Variants in PRSS23 observed in about 807,000 individuals in gnomAD.
PRSS23 encodes the protein serine protease 23, also known as protease, serine 23.
Under a neutral mutation model 34.7 loss-of-function variants are expected in PRSS23, and 25 were observed. The observed-to-expected ratio is 0.72, with a 90% CI of 0.53 to 1.01. PRSS23 has a LOEUF of 1.01. Ranked by LOEUF, PRSS23 falls within the 50% of genes least tolerant of loss-of-function variation. The pLI is 0.00. For missense variants in PRSS23, 445 were observed against 475.6 expected (o/e 0.94, Z 0.60); for synonymous variants, 176 against 186.6 (o/e 0.94, Z 0.46).
chr11:86,936,633 A>C (rs990905278), intron 2 of PRSS23: 2 of 151,880 alleles, frequency 1.3e-5, no homozygotes, highest in African/African-American at 4.8e-5. Flanking sequence ...GCTCCGTGTG[A>C]TGGTTCATAC....
At chr11:86,856,556 G>A (rs1387467764) in intron 2 of PRSS23, among the ~76,000 whole-genome samples, 2 of 152,148 alleles carry the variant, frequency 1.3e-5, no homozygotes, top group Non-Finnish European at 2.9e-5. Flanking sequence ...TGAATTTGAT[G>A]TACAGTATGT....
chr11:86,857,664 CAG>C (rs998010829), intron 2 of PRSS23: 1 of 545,000 alleles, frequency 1.8e-6, no homozygotes, highest in African/African-American at 1.9e-5. Flanking sequence ...CATAGGCCAT[CAG>C]AGTCAGGAGC....
At chr11:86,868,282 C>T (rs1318440745) in intron 2 of PRSS23, among the ~76,000 whole-genome samples, 1 of 152,082 alleles carries the variant, frequency 6.6e-6, no homozygotes, top group Non-Finnish European at 1.5e-5. Context: ...TGGTGGGTTC[C>T]TTGAGTGAGA....
chr11:86,854,829 G>A (rs1948556564), intron 2 of PRSS23, among the ~76,000 whole-genome samples: 2 of 152,142 alleles, frequency 1.3e-5, no homozygotes, highest in South Asian at 4.1e-4. Flanking sequence ...ATATGTGTGG[G>A]AAGTTATTCC....
At chr11:86,941,248 C>G (rs950223140) in intron 2 of PRSS23, among the ~76,000 whole-genome samples, 5 of 152,312 alleles carry the variant, frequency 3.3e-5, no homozygotes, top group African/African-American at 1.2e-4. Flanking sequence ...ACTGGGTACT[C>G]AGAAACTGTT....
chr11:86,948,330 G>T (rs1949261197), intron 2 of PRSS23: 1 of 151,954 alleles, frequency 6.6e-6, no homozygotes, highest in East Asian at 1.9e-4. Flanking sequence ...AGATCAGTTA[G>T]AAGAACAGAG....
At chr11:86,851,670 G>A (rs926008259) in intron 2 of PRSS23, among the ~76,000 whole-genome samples, 2 of 152,204 alleles carry the variant, frequency 1.3e-5, no homozygotes, top group African/African-American at 2.4e-5. Flanking sequence ...ATAATGAAAT[G>A]TGCACTAATA....
intron 2 of PRSS23, among the ~76,000 whole-genome samples, chr11:86,870,861 A>G (rs1486063119): frequency 6.6e-6 from 1 of 152,082 alleles, no homozygotes; most frequent in East Asian, 1.9e-4. Flanking sequence ...TATAGTTTTA[A>G]TTGTTGAGCT....
At chr11:86,941,842 G>A (rs546485679) in intron 2 of PRSS23, among the ~76,000 whole-genome samples, 7 of 152,206 alleles carry the variant, frequency 4.6e-5, no homozygotes, top group South Asian at 4.1e-4. Flanking sequence ...GTCACCTTTG[G>A]TTTCCTTCCT....
At chr11:86,857,038 C>T (rs188558716) in intron 2 of PRSS23, 91 of 159,362 alleles carry the variant, frequency 5.7e-4, no homozygotes, top group Non-Finnish European at 9.6e-4. Flanking sequence ...CCCTTTCTTA[C>T]TCACACAAGA....
chr11:86,832,721 A>G (rs1379119067), intron 2 of PRSS23: 2 of 309,052 alleles, frequency 6.5e-6, no homozygotes, highest in South Asian at 3.1e-5. Context: ...AACAACTGAC[A>G]GGGGAGACCC....
At chr11:86,816,334 C>A (rs1037653492) in intron 1 of PRSS23, among the ~76,000 whole-genome samples, 4 of 152,134 alleles carry the variant, frequency 2.6e-5, no homozygotes, top group Admixed American at 6.5e-5. Context: ...GGTGTTCATG[C>A]GTCTTCTCCT....
rs113371091 is a variant in PRSS23, at chr11:86,884,651, C to A, written c.206+61058C>A. Reference sequence around the variant, plus strand: ...TTTTCTTTCTCAAAACCTTATTACCCATGGAACAATCTCCAAATTGCTTTG... The same window carrying A: ...TTTTCTTTCTCAAAACCTTATTACCAATGGAACAATCTCCAAATTGCTTTG... On this transcript the variant is annotated intron_variant, in intron 2 of 2. Coordinates refer to the PRSS23 transcript ENST00000533902. Among the ~76,000 whole-genome samples, 1,244 of 152,308 alleles carry A rather than the reference C, an allele frequency of 8.2e-3. 10 individuals carry two copies. Among genetic ancestry groups the A allele is most frequent in the Middle Eastern group, 0.027 (8 of 294 alleles).
In PRSS23 at chr11:86,847,181, T is replaced by C. The variant is rs183149942; in HGVS notation, c.206+23588T>C. On this transcript the variant is annotated intron_variant, in intron 2 of 2. Transcript: ENST00000533902. ...ACAGCAGCTGTTCTCTCAGCCCTGG[T>C]CTGGAGGACATCCACCACCCCCTTT... is the stretch of plus-strand genomic sequence containing the variant. 5.0e-4 allele frequency among the ~76,000 whole-genome samples: 76 copies of C among 152,320 alleles called. 1 individual carries two copies. The East Asian group carries it at 6.6e-3, about 13-fold the overall frequency.
At chr11:86,860,648 A>G (rs986780389) in intron 2 of PRSS23, among the ~76,000 whole-genome samples, 3 of 151,976 alleles carry the variant, frequency 2.0e-5, no homozygotes, top group African/African-American at 7.3e-5. Context: ...ATTACTCCCA[A>G]TATCGCAGTG....
At chr11:86,859,503 G>A (rs1366578146) in intron 2 of PRSS23, among the ~76,000 whole-genome samples, 1 of 151,892 alleles carries the variant, frequency 6.6e-6, no homozygotes, top group East Asian at 1.9e-4. Flanking sequence ...TAATATCCAG[G>A]GGGAGAGTTG....
At chr11:86,942,744 C>T (rs1196290215) in intron 2 of PRSS23, among the ~76,000 whole-genome samples, 4 of 152,184 alleles carry the variant, frequency 2.6e-5, no homozygotes, top group Non-Finnish European at 5.9e-5. Context: ...CAGGGTAATT[C>T]TAAGAATTTC....
chr11:86,940,711 C>T (rs556036515), intron 2 of PRSS23: 1 of 152,380 alleles, frequency 6.6e-6, no homozygotes, highest in African/African-American at 2.4e-5. Context: ...TCTCAGGCTC[C>T]AGTTACACTG....
chr11:86,940,299 G>T (rs1949198546), intron 2 of PRSS23, among the ~76,000 whole-genome samples: 1 of 152,174 alleles, frequency 6.6e-6, no homozygotes, highest in Non-Finnish European at 1.5e-5. Flanking sequence ...CAACGTAGGG[G>T]TGTGCTGTAT....
Sources: gnomAD v4.1 joint callset for allele counts (sites outside exome capture counted in the v4.1 genomes callset) on GRCh38, gnomAD v4.1.1 for gene constraint, MANE v1.5 for transcripts, NCBI Gene and HGNC (gene_info 2026-07-23, HGNC 2026-07-21) for gene names.